PHACTR3: variants seen among roughly 807,000 people sequenced by gnomAD.
The protein encoded by PHACTR3 is phosphatase and actin regulator 3, also known as protein phosphatase 1, regulatory subunit 123.
A neutral mutation model predicts 66.8 loss-of-function variants in PHACTR3; 16 were observed. The observed-to-expected ratio is 0.24, with a 90% CI of 0.16 to 0.36. The LOEUF (loss-of-function observed/expected upper bound fraction) is 0.36, where lower values mean the gene tolerates loss of function less well. PHACTR3 is among the 10% of genes least tolerant of loss of function. PHACTR3 has a pLI of 1.00. For synonymous variants in PHACTR3, 323 were observed against 292.1 expected (o/e 1.11, Z -1.08); for missense variants, 647 against 719.9 (o/e 0.90, Z 1.16).
chr20:59,628,552 T>C (rs2034545679), intron 1 of PHACTR3: 5 of 924,176 alleles, frequency 5.4e-6, no homozygotes, highest in Non-Finnish European at 6.5e-6. Context: ...GGCTCCTGGC[T>C]CCCAGGGAGA....
chr20:59,688,365 C>T (rs1242628443), intron 1 of PHACTR3, among the ~76,000 whole-genome samples: 1 of 152,168 alleles, frequency 6.6e-6, no homozygotes, highest in African/African-American at 2.4e-5. Context: ...GTAAGCCTCT[C>T]CCCCTTATCC....
chr20:59,577,602 C>T lies in PHACTR3; in HGVS notation c.94C>T (p.Arg32Ter), dbSNP rs989956811. The change falls in exon 1 of 13, where the codon CGA becomes TGA. Residue 32 changes from arginine (R) to a stop codon, truncating the protein, a stop_gained. Coordinates refer to the PHACTR3 transcript ENST00000359926. LOFTEE classifies it high-confidence loss of function. ...GGCCCGGGACGCTGCCGCCGCCGCC[C>T]GAGATCCTGCGCAAGGTAAGCGCGC... 4 of 1,209,224 alleles carry T rather than the reference C, an allele frequency of 3.3e-6. No homozygotes were observed. Among genetic ancestry groups the T allele is most frequent in the Admixed American group, 4.4e-5 (1 of 22,780 alleles). The allele number at this position is 1,209,224 out of a possible 1,614,324, so 74.9% of individuals were successfully genotyped here.
intron 7 of PHACTR3, among the ~76,000 whole-genome samples, chr20:59,791,760 C>T (rs183710008): frequency 6.3e-4 from 82 of 129,394 alleles, no homozygotes; most frequent in African/African-American, 2.1e-3. Context: ...CAACAGGCCC[C>T]GGTGTGTGAT....
At chr20:59,680,020 C>T (rs183547900) in intron 1 of PHACTR3, among the ~76,000 whole-genome samples, 51 of 152,144 alleles carry the variant, frequency 3.4e-4, no homozygotes, top group African/African-American at 1.2e-3. Flanking sequence ...CTTGTTCTTT[C>T]CTCCTTTCCC....
intron 1 of PHACTR3, among the ~76,000 whole-genome samples, chr20:59,714,565 A>G (rs1257614832): frequency 1.3e-5 from 2 of 152,250 alleles, no homozygotes; most frequent in Non-Finnish European, 2.9e-5. Context: ...CCAATAGCAC[A>G]TCATCATAAT....
chr20:59,753,256 G>A (rs900767163), intron 3 of PHACTR3, among the ~76,000 whole-genome samples: 6 of 152,242 alleles, frequency 3.9e-5, no homozygotes, highest in African/African-American at 7.2e-5. Context: ...TGCCAGCCTC[G>A]CCTGGACCTC....
chr20:59,770,626 A>G (rs143089749), intron 5 of PHACTR3, among the ~76,000 whole-genome samples: 93 of 152,320 alleles, frequency 6.1e-4, no homozygotes, highest in Middle Eastern at 3.4e-3. Flanking sequence ...TTCCTGGTTC[A>G]TAGGCCAAAT....
At chr20:59,611,288 A>G (rs183392165) in intron 1 of PHACTR3, among the ~76,000 whole-genome samples, 76 of 152,382 alleles carry the variant, frequency 5.0e-4, no homozygotes, top group African/African-American at 1.2e-3. Flanking sequence ...CACCTCCCCA[A>G]ACATTCTCCA....
At chr20:59,610,635 T>C (rs1049341522) in intron 1 of PHACTR3, among the ~76,000 whole-genome samples, 3 of 152,264 alleles carry the variant, frequency 2.0e-5, no homozygotes, top group African/African-American at 7.2e-5. Flanking sequence ...GGGAGCCCCA[T>C]GCAGCTGTGG....
chr20:59,794,123 C>CA (rs71183186), intron 7 of PHACTR3, among the ~76,000 whole-genome samples: 83,626 of 97,766 alleles, frequency 0.86, 36,632 homozygotes, highest in South Asian at 0.94. Context: ...GACTCCATCT[C>CA]AAAAAAAAAA....
chr20:59,768,804 C>T (rs2040269075), intron 5 of PHACTR3, among the ~76,000 whole-genome samples: 1 of 152,240 alleles, frequency 6.6e-6, no homozygotes, highest in Non-Finnish European at 1.5e-5. Flanking sequence ...GTACACCTAA[C>T]ACGAATTAAG....
chr20:59,620,983 G>A (rs1335135584), intron 1 of PHACTR3, among the ~76,000 whole-genome samples: 1 of 152,234 alleles, frequency 6.6e-6, no homozygotes, highest in Non-Finnish European at 1.5e-5. Context: ...GTGGAGTAGA[G>A]TCCACTGCTG....
intron 8 of PHACTR3, among the ~76,000 whole-genome samples, chr20:59,832,303 C>T (rs533234821): frequency 6.6e-6 from 1 of 152,306 alleles, no homozygotes; most frequent in Non-Finnish European, 1.5e-5. Flanking sequence ...TTTGGAAGCC[C>T]CAACTCTGCA....
intron 1 of PHACTR3, among the ~76,000 whole-genome samples, chr20:59,609,097 G>C (rs2146340506): frequency 6.6e-6 from 1 of 152,350 alleles, no homozygotes; most frequent in South Asian, 2.1e-4. Flanking sequence ...TGGGGCCAGA[G>C]AGTGCTTGGA....
At chr20:59,679,878 C>T (rs909486100) in intron 1 of PHACTR3, among the ~76,000 whole-genome samples, 2 of 152,162 alleles carry the variant, frequency 1.3e-5, no homozygotes, top group Non-Finnish European at 2.9e-5. Flanking sequence ...GGGTCCCTCC[C>T]GCAACACGTG....
chr20:59,838,758 A>C (rs2059008701), intron 9 of PHACTR3, among the ~76,000 whole-genome samples: 1 of 152,186 alleles, frequency 6.6e-6, no homozygotes. Context: ...TGCTGGAGCT[A>C]TTTCCAGAAA....
intron 7 of PHACTR3, among the ~76,000 whole-genome samples, chr20:59,804,980 A>C (rs560587204): frequency 1.3e-5 from 2 of 152,274 alleles, no homozygotes; most frequent in African/African-American, 4.8e-5. Flanking sequence ...ATCCCGGCCC[A>C]AAAAAACTGC....
At chr20:59,663,774 G>A (rs2035895718) in intron 1 of PHACTR3, among the ~76,000 whole-genome samples, 1 of 152,218 alleles carries the variant, frequency 6.6e-6, no homozygotes, top group South Asian at 2.1e-4. Context: ...TCTCTGAGCT[G>A]AAGTTATTTC....
chr20:59,737,587 C>T (rs1476281709), intron 1 of PHACTR3, among the ~76,000 whole-genome samples: 5 of 152,048 alleles, frequency 3.3e-5, no homozygotes, highest in Non-Finnish European at 5.9e-5. Context: ...CGTGTGTGTG[C>T]ATGCACACCA....
Sources: gnomAD v4.1 joint callset for allele counts (sites outside exome capture counted in the v4.1 genomes callset) on GRCh38, gnomAD v4.1.1 for gene constraint, MANE v1.5 for transcripts, NCBI Gene and HGNC (gene_info 2026-07-23, HGNC 2026-07-21) for gene names.